Variants in FRMPD4 observed in about 807,000 individuals in gnomAD.
FRMPD4 encodes the protein FERM and PDZ domain-containing protein 4.
FRMPD4 carries 22 observed loss-of-function variants against 94.1 expected under a neutral mutation model. The ratio of observed to expected loss-of-function variants is 0.23; its 90% CI spans 0.17 to 0.33. FRMPD4 has a LOEUF of 0.33. FRMPD4 is among the 10% of genes least tolerant of loss of function. The pLI is 1.00. For synonymous variants in FRMPD4, 631 were observed against 548.6 expected (o/e 1.15, Z -2.10); for missense variants, 1,111 against 1,339.9 (o/e 0.83, Z 2.67).
chrX:12,095,831 A>G (rs983122187), intron 3 of FRMPD4, among the ~76,000 whole-genome samples: 2 of 112,115 alleles, frequency 1.8e-5, no homozygotes, highest in Admixed American at 1.9e-4. Flanking sequence ...ACCACATTCC[A>G]TCAATTCTCT....
intron 1 of FRMPD4, among the ~76,000 whole-genome samples, chrX:11,856,238 A>G (rs957841974): frequency 8.9e-6 from 1 of 111,931 alleles, no homozygotes; most frequent in Admixed American, 9.5e-5. Flanking sequence ...TATGGGAACT[A>G]CAATTCAAGA....
chrX:12,713,663 A>G (rs374343362), intron 14 of FRMPD4, among the ~76,000 whole-genome samples: 1 of 111,678 alleles, frequency 9.0e-6, no homozygotes, highest in East Asian at 2.8e-4. Context: ...CAAGAAATAC[A>G]GAGCGGAAGT....
chrX:12,121,102 A>C (rs1032315225), intron 3 of FRMPD4, among the ~76,000 whole-genome samples: 30 of 108,795 alleles, frequency 2.8e-4, no homozygotes, highest in African/African-American at 7.6e-4. Context: ...TTATTTTATA[A>C]TACTACTACT....
At chrX:12,410,652 G>A (rs1454417126) in intron 1 of FRMPD4, among the ~76,000 whole-genome samples, 1 of 111,428 alleles carries the variant, frequency 9.0e-6, no homozygotes, top group African/African-American at 3.3e-5. Context: ...TTTTAACCCT[G>A]CTGAAAGAAA....
intron 1 of FRMPD4, among the ~76,000 whole-genome samples, chrX:11,848,449 A>G (rs1324664653): frequency 1.8e-5 from 2 of 110,982 alleles, no homozygotes; most frequent in African/African-American, 6.6e-5. Flanking sequence ...CTGTCTGCTG[A>G]TAAATCTGTT....
intron 1 of FRMPD4, among the ~76,000 whole-genome samples, chrX:12,282,599 C>G (rs1428268122): frequency 9.0e-6 from 1 of 111,637 alleles, no homozygotes; most frequent in Non-Finnish European, 1.9e-5. Context: ...TATTTGAATG[C>G]TTAGGGGCAT....
At chrX:12,654,104 T>C (rs768581221) in intron 4 of FRMPD4, among the ~76,000 whole-genome samples, 28 of 112,159 alleles carry the variant, frequency 2.5e-4, no homozygotes, top group Non-Finnish European at 5.1e-4. Flanking sequence ...CTTCCTCTTC[T>C]TCCAGATGAA....
intron 1 of FRMPD4, among the ~76,000 whole-genome samples, chrX:12,311,964 A>G (rs138538029): frequency 7.3e-4 from 81 of 111,239 alleles, no homozygotes; most frequent in East Asian, 6.5e-3. Context: ...ATCAGATCTT[A>G]CGTCTTCAAG....
At chrX:12,102,174 G>T (rs1306566874) in intron 3 of FRMPD4, among the ~76,000 whole-genome samples, 1 of 111,834 alleles carries the variant, frequency 8.9e-6, no homozygotes, top group East Asian at 2.8e-4. Context: ...TCATGTAAAT[G>T]TGGGCCTTGA....
At chrX:12,422,313 G>C (rs907731445) in intron 1 of FRMPD4, among the ~76,000 whole-genome samples, 1 of 112,185 alleles carries the variant, frequency 8.9e-6, no homozygotes, top group African/African-American at 3.2e-5. Flanking sequence ...GCTAGAGACA[G>C]GCTGTAGGCT....
rs5935348 is a variant in FRMPD4 at position 12,451,030 on chromosome X, T to A, written c.42-47650T>A. On this transcript the variant is annotated intron_variant, in intron 1 of 16. Transcript: ENST00000675598. ...GACCTGGCCTATTACCTCCATGACA[T>A]CATTTCCTACTGCTCATTCCACTTC... Among the ~76,000 whole-genome samples the A allele has an allele frequency of 2.7e-5, 3 of 109,766 alleles. No individual in the cohort carries two copies. The East Asian group carries it at 8.6e-4, about 32-fold the overall frequency.
At chrX:12,025,971 G>T (rs1300949214) in intron 3 of FRMPD4, among the ~76,000 whole-genome samples, 1 of 111,708 alleles carries the variant, frequency 9.0e-6, no homozygotes. Context: ...TGCTCATTTT[G>T]GGGGTAATTT....
rs768387518 is a variant in FRMPD4, at chrX:12,256,026, T to C, written c.41+117014T>C. Among the ~76,000 whole-genome samples the C allele has an allele frequency of 4.4e-5, 5 of 112,361 alleles. No homozygotes were observed. In the South Asian group the frequency reaches 1.8e-3, roughly 41 times the overall value. On this transcript the variant is annotated intron_variant, in intron 1 of 16. Transcript: ENST00000675598. ...ACCTAACATTATCAGGTGCACAGGC[T>C]AGGATCTAGAGGTTGGATGTCAGCA...
At chrX:12,350,396 C>T (rs1472707208) in intron 1 of FRMPD4, among the ~76,000 whole-genome samples, 1 of 111,293 alleles carries the variant, frequency 9.0e-6, no homozygotes, top group Non-Finnish European at 1.9e-5. Flanking sequence ...TGCAAAACTT[C>T]TGGCCTGTTT....
At chrX:12,475,933 T>C (rs1318704526) in intron 1 of FRMPD4, among the ~76,000 whole-genome samples, 1 of 111,386 alleles carries the variant, frequency 9.0e-6, no homozygotes, top group Non-Finnish European at 1.9e-5. Flanking sequence ...AAGCTACCAA[T>C]GACTTTCTTC....
chrX:12,304,354 C>T lies in FRMPD4; in HGVS notation c.41+165342C>T, dbSNP rs140499170. On this transcript the variant is annotated intron_variant, in intron 1 of 16. Coordinates refer to ENST00000675598, the MANE Select transcript of FRMPD4 (RefSeq NM_001368397.1). ...TAGAGGCTTGATAATTCTCTTTTTGCTGGAGACTGTGTGTCCTGTACATTG... is the reference window on the plus strand; with the variant it reads ...TAGAGGCTTGATAATTCTCTTTTTGTTGGAGACTGTGTGTCCTGTACATTG... Among the ~76,000 whole-genome samples the T allele has an allele frequency of 9.9e-3, 1,101 of 110,758 alleles. 9 individuals carry two copies. The highest frequency in any genetic ancestry group is 0.033 in the African/African-American group (990 of 30,422).
intron 1 of FRMPD4, among the ~76,000 whole-genome samples, chrX:12,339,837 G>A (rs1350614978): frequency 1.8e-5 from 2 of 111,526 alleles, no homozygotes; most frequent in African/African-American, 6.5e-5. Flanking sequence ...GGCTGGTCTC[G>A]ATCTCCTGAC....
Position 12,718,096 on chromosome X carries a change from T to G in FRMPD4, c.3270T>G (p.Ser1090Arg). 3 of 1,210,676 alleles carry G rather than the reference T, an allele frequency of 2.5e-6. No individual in the cohort carries two copies. The highest frequency in any genetic ancestry group is 3.4e-6 in the Non-Finnish European group (3 of 894,685). ...NLERTAFRKDSQRWYVATEGG... is the reference protein window; with the variant it reads ...NLERTAFRKDRQRWYVATEGG... ...AGAGAACTGCCTTTCGCAAGGACAG[T>G]CAAAGATGGTATGTGGCCACTGAAG... Residue 1090 changes from serine (S) to arginine (R), a missense_variant, in exon 16 of 17, where the codon AGT becomes AGG. Physicochemically the swap from Ser to Arg is moderately radical, Grantham distance 110. Transcript: ENST00000675598.
intron 1 of FRMPD4, among the ~76,000 whole-genome samples, chrX:12,351,245 A>C (rs1386062054): frequency 9.0e-6 from 1 of 110,830 alleles, no homozygotes; most frequent in African/African-American, 3.3e-5. Flanking sequence ...TTCCCACTAA[A>C]TTTGTAGATC....
Sources: allele counts gnomAD v4.1 joint callset (sites outside exome capture counted in the v4.1 genomes callset), GRCh38; gene constraint gnomAD v4.1.1; transcripts MANE v1.5; gene names NCBI Gene and HGNC (gene_info 2026-07-23, HGNC 2026-07-21).